BTAF1: variants seen among roughly 807,000 people sequenced by gnomAD.
The protein encoded by BTAF1 is B-TFIID TATA-box binding protein associated factor 1.
In BTAF1, 38 loss-of-function variants were observed where a neutral mutation model predicts 227.1. The observed-to-expected ratio is 0.17, with a 90% CI of 0.13 to 0.22. BTAF1 has a LOEUF of 0.22. BTAF1 is among the 10% of genes least tolerant of loss of function. BTAF1 has a pLI of 1.00. For missense variants in BTAF1, 1,598 were observed against 2,204.0 expected (o/e 0.73, Z 5.51); for synonymous variants, 742 against 751.9 (o/e 0.99, Z 0.21).
intron 1 of BTAF1, among the ~76,000 whole-genome samples, chr10:91,931,957 T>G (rs1844301954): frequency 6.6e-6 from 1 of 152,176 alleles, no homozygotes. Context: ...GTGGAAGAAG[T>G]AAGGATAAAC....
chr10:91,991,795 G>GTA (rs1489317546), intron 20 of BTAF1, among the ~76,000 whole-genome samples: 31 of 5,624 alleles, frequency 5.5e-3, no homozygotes, highest in African/African-American at 7.7e-3. Flanking sequence ...GTGTGTGTGT[G>GTA]TGTATATATA....
chr10:91,942,626 C>T lies in BTAF1; in HGVS notation c.400+58C>T. On this transcript the variant is annotated intron_variant, in intron 4 of 37. Transcript: ENST00000265990. ...TTTGTTTTTTCAGACTAATTTGTCA[C>T]TGTGGTATGCTGTTCATTAGTCACA... is the stretch of plus-strand genomic sequence containing the variant. 1.9e-6 allele frequency: 3 copies of T among 1,544,630 alleles called. No homozygotes were observed. The South Asian group carries it at 3.5e-5, about 18-fold the overall frequency.
chr10:91,953,659 G>T, intron 5 of BTAF1, 78 bp from the exon 6 acceptor site: 3 of 1,485,684 alleles, frequency 2.0e-6, no homozygotes, highest in Non-Finnish European at 2.7e-6. Context: ...TATAGACTTG[G>T]TCTTCTTCTG....
At chr10:91,943,962 C>A (rs1300228770) in intron 4 of BTAF1, among the ~76,000 whole-genome samples, 2 of 151,996 alleles carry the variant, frequency 1.3e-5, no homozygotes, top group Non-Finnish European at 2.9e-5. Context: ...ACCAGCCTGG[C>A]CAACATGGTG....
At position 91,947,444 on chromosome 10, in the gene BTAF1, A is replaced by G. The variant is rs551276555; in HGVS notation, c.401-3959A>G. ...TGCATGTGGCTATCCTGTTGTCTCA[A>G]CACTATTTGTAGAATATACTGTTCT... On this transcript the variant is annotated intron_variant, in intron 4 of 37. Coordinates refer to ENST00000265990, the MANE Select transcript of BTAF1 (RefSeq NM_003972.3). Among the ~76,000 whole-genome samples the G allele has an allele frequency of 3.9e-5, 6 of 152,226 alleles. No individual in the cohort carries two copies. In the South Asian group the frequency reaches 6.2e-4, roughly 16 times the overall value.
intron 25 of BTAF1, among the ~76,000 whole-genome samples, chr10:92,006,786 C>T (rs1849919336): frequency 6.6e-6 from 1 of 152,134 alleles, no homozygotes; most frequent in Non-Finnish European, 1.5e-5. Context: ...TTTATCAGTC[C>T]TTTCAAGTAA....
At chr10:92,025,679 T>C (rs1228172249) in intron 35 of BTAF1, among the ~76,000 whole-genome samples, 1 of 151,960 alleles carries the variant, frequency 6.6e-6, no homozygotes, top group Admixed American at 6.6e-5. Flanking sequence ...TGGTGGCACA[T>C]GCCTGTAATC....
rs190674928 is a variant in BTAF1 at position 91,926,047 on chromosome 10, G to A, written c.14+1957G>A. ...CCAAGGAAAACATTTTGAGACACTT[G>A]TGTGTTTTGGGGATAGTGTCAATTC... is the stretch of plus-strand genomic sequence containing the variant. On this transcript the variant is annotated intron_variant, in intron 1 of 37. Transcript: ENST00000265990. Among the ~76,000 whole-genome samples, 22 of 152,218 alleles carry A rather than the reference G, an allele frequency of 1.4e-4. No individual in the cohort carries two copies. In the East Asian group the frequency reaches 3.5e-3, roughly 24 times the overall value.
At position 91,923,963 on chromosome 10, in the gene BTAF1, G is replaced by T; in HGVS notation, c.-114G>T. Reference sequence around the variant, plus strand: ...CGCTGGAACGCCCCACGCCGCACCGGCCGCTCCCCTGTGCTCCGCGGCCTG... The same window carrying T: ...CGCTGGAACGCCCCACGCCGCACCGTCCGCTCCCCTGTGCTCCGCGGCCTG... On this transcript the variant is annotated 5_prime_UTR_variant, in exon 1 of 38. Transcript: ENST00000265990. 1 of 1,348,452 alleles carries T rather than the reference G, an allele frequency of 7.4e-7. No homozygotes were observed. The highest frequency in any genetic ancestry group is 9.7e-7 in the Non-Finnish European group (1 of 1,028,140). The allele number at this position is 1,348,452 out of a possible 1,614,324, so 83.5% of individuals were successfully genotyped here.
At chr10:91,966,555 G>A (rs1221197242) in intron 13 of BTAF1, 82 bp from the exon 14 acceptor site, 13 of 1,453,642 alleles carry the variant, frequency 8.9e-6, no homozygotes, top group South Asian at 1.2e-5. Context: ...AGCATCACTA[G>A]ATCCCATGAG....
Position 91,982,229 on chromosome 10 carries a change from A to C in BTAF1, c.2048+4A>C. On this transcript the variant is annotated splice_donor_region_variant and intron_variant, in intron 17 of 37. Transcript: ENST00000265990. ...GGGCCAGAATGATGGCAGCCAAGTG[A>C]GTGTACATTAAGTGTCAGGTAGTCA... 1 of 1,613,896 alleles carries C rather than the reference A, an allele frequency of 6.2e-7. No homozygotes were observed. The highest frequency in any genetic ancestry group is 8.5e-7 in the Non-Finnish European group (1 of 1,179,850).
intron 1 of BTAF1, among the ~76,000 whole-genome samples, chr10:91,926,727 G>A (rs867831056): frequency 1.3e-5 from 2 of 152,272 alleles, no homozygotes; most frequent in South Asian, 2.1e-4. Flanking sequence ...AATGTATTTG[G>A]TATTTGGACA....
At chr10:91,987,042 AC>A (rs1848442495) in intron 19 of BTAF1, among the ~76,000 whole-genome samples, 1 of 149,714 alleles carries the variant, frequency 6.7e-6, no homozygotes, top group Non-Finnish European at 1.5e-5. Flanking sequence ...AGTCTTTCTT[AC>A]GTTCTTCTTT....
intron 32 of BTAF1, among the ~76,000 whole-genome samples, chr10:92,015,712 G>A (rs1427143459): frequency 2.0e-5 from 3 of 152,178 alleles, no homozygotes; most frequent in Non-Finnish European, 2.9e-5. Context: ...GAGCTCCAAA[G>A]AGAAATGGCA....
rs1036119715 is a variant in BTAF1, at chr10:92,029,605, T to TG, written c.*674dup. On this transcript the variant is annotated 3_prime_UTR_variant, in exon 38 of 38. Transcript: ENST00000265990. ...CTACCATAACATCCTATTTAGAGGG[T>TG]GGTTTTTTTTAATTTATCTAATGGC... The TG allele has an allele frequency of 1.2e-4, 18 of 151,982 alleles. No homozygotes were observed. Among genetic ancestry groups the TG allele is most frequent in the African/African-American group, 4.3e-4 (18 of 41,502 alleles). 9.4% of individuals were successfully genotyped at this position (151,982 alleles called of 1,614,324 possible). A position where few individuals can be genotyped will look rare whatever the true frequency, so the allele number is the denominator to read the frequency against.
At chr10:91,973,507 C>T (rs1050370792) in intron 14 of BTAF1, among the ~76,000 whole-genome samples, 8 of 151,998 alleles carry the variant, frequency 5.3e-5, no homozygotes, top group African/African-American at 1.9e-4. Context: ...ATAATCTAAG[C>T]TGTTGAGGGC....
At chr10:91,996,222 TG>T (rs902661855) in intron 23 of BTAF1, 146 bp from the exon 24 acceptor site, 67 of 664,260 alleles carry the variant, frequency 1.0e-4, no homozygotes, top group Admixed American at 1.8e-4. Flanking sequence ...CTATTGAGAA[TG>T]TTTTGGCAGT....
At chr10:91,993,872 A>G (rs1204632053) in intron 22 of BTAF1, 25 bp downstream of exon 22, 3 of 1,526,122 alleles carry the variant, frequency 2.0e-6, no homozygotes, top group South Asian at 2.6e-5. Flanking sequence ...TTATGAGTCC[A>G]GTTTTTAACA....
At chr10:91,935,383 T>A (rs1170699457) in intron 1 of BTAF1, among the ~76,000 whole-genome samples, 1 of 152,162 alleles carries the variant, frequency 6.6e-6, no homozygotes, top group African/African-American at 2.4e-5. Flanking sequence ...GCCTCCCCCA[T>A]CCCTCTTGCT....
Sources: allele counts gnomAD v4.1 joint callset (sites outside exome capture counted in the v4.1 genomes callset), GRCh38; gene constraint gnomAD v4.1.1; transcripts MANE v1.5; gene names NCBI Gene and HGNC (gene_info 2026-07-23, HGNC 2026-07-21).